DLGAP2: variants seen among roughly 807,000 people sequenced by gnomAD.
DLGAP2 encodes the protein DLG associated protein 2, also known as disks large-associated protein 2.
DLGAP2 carries 26 observed loss-of-function variants against 100.3 expected under a neutral mutation model. That is an observed-to-expected ratio of 0.26 (90% confidence interval 0.19 to 0.36). DLGAP2 has a LOEUF of 0.36. Among genes scored for constraint, DLGAP2 ranks in the 10% least tolerant of loss-of-function variants. The pLI is 1.00. For missense variants in DLGAP2, 1,858 were observed against 1,453.2 expected (o/e 1.28, Z -4.53); for synonymous variants, 886 against 630.1 (o/e 1.41, Z -6.08).
At chr8:1,245,395 A>G (rs768793353) in intron 2 of DLGAP2, among the ~76,000 whole-genome samples, 5 of 152,220 alleles carry the variant, frequency 3.3e-5, no homozygotes, top group Non-Finnish European at 7.3e-5. Context: ...CATCCATGCA[A>G]TGGAATCTTC....
intron 8 of DLGAP2, among the ~76,000 whole-genome samples, chr8:1,637,851 C>G (rs1349637185): frequency 6.6e-6 from 1 of 152,188 alleles, no homozygotes; most frequent in Admixed American, 6.5e-5. Context: ...GTGTGGATGG[C>G]TCTGGAAACC....
At chr8:1,026,355 TG>T (rs1157884352) in intron 2 of DLGAP2, among the ~76,000 whole-genome samples, 1 of 152,152 alleles carries the variant, frequency 6.6e-6, no homozygotes, top group African/African-American at 2.4e-5. Flanking sequence ...GCCGTTCACA[TG>T]GAAGCTCCAC....
At chr8:1,476,925 T>C (rs1798949212) in intron 3 of DLGAP2, among the ~76,000 whole-genome samples, 1 of 152,222 alleles carries the variant, frequency 6.6e-6, no homozygotes, top group South Asian at 2.1e-4. Context: ...GGCTGAGTGC[T>C]GTCAGCCACC....
Position 1,548,815 on chromosome 8 carries a change from T to C in DLGAP2, c.362T>C (p.Leu121Pro). Reference sequence around the variant, plus strand: ...GGGCCCGACGCGCGGCCGCCCTACCTGCTGAGCCCCGCCGACAGCTGCCCC... The same window carrying C: ...GGGCCCGACGCGCGGCCGCCCTACCCGCTGAGCCCCGCCGACAGCTGCCCC... ...HHGPDARPPY[L>P]LSPADSCPGG... is the part of the protein sequence containing the mutation. Residue 121 changes from leucine (L) to proline (P), a missense_variant, in exon 5 of 15, where the codon CTG becomes CCG. Transcript: ENST00000637795. 6.3e-7 allele frequency: 1 copy of C among 1,581,372 alleles called. No individual in the cohort carries two copies. The highest frequency in any genetic ancestry group is 8.6e-7 in the Non-Finnish European group (1 of 1,167,846).
At chr8:1,098,549 G>A (rs1199496284) in intron 2 of DLGAP2, among the ~76,000 whole-genome samples, 2 of 151,842 alleles carry the variant, frequency 1.3e-5, no homozygotes, top group Admixed American at 1.3e-4. Context: ...CAGCGGGCTG[G>A]CCCCACCCTG....
intron 2 of DLGAP2, among the ~76,000 whole-genome samples, chr8:996,278 C>G (rs576441313): frequency 9.8e-5 from 15 of 152,294 alleles, no homozygotes; most frequent in Non-Finnish European, 2.1e-4. Flanking sequence ...CAGAATCACT[C>G]AGGTTTCTTT....
chr8:1,070,827 G>T (rs1172656817), intron 2 of DLGAP2, among the ~76,000 whole-genome samples: 1 of 152,280 alleles, frequency 6.6e-6, no homozygotes. Context: ...CGTATTCTGA[G>T]CTGGGCTGTG....
Position 1,006,955 on chromosome 8 carries a change from C to G in DLGAP2, c.73+98989C>G, listed in dbSNP as rs189842111. Among the ~76,000 whole-genome samples, 704 of 151,784 alleles carry G rather than the reference C, an allele frequency of 4.6e-3. 6 individuals are homozygous for G. The South Asian group carries it at 0.054, about 12-fold the overall frequency. ...CTCGGGATGTGGTCCTTTATCACGT[C>G]GGGGACACCGTGTGTCTCAAGTCTC... On this transcript the variant is annotated intron_variant, in intron 2 of 14. Transcript: ENST00000637795.
intron 1 of DLGAP2, among the ~76,000 whole-genome samples, chr8:875,158 C>G (rs1028855538): frequency 1.2e-4 from 18 of 152,196 alleles, no homozygotes; most frequent in African/African-American, 4.3e-4. Context: ...TGTATCTCCA[C>G]TAGGCAGGGT....
intron 2 of DLGAP2, among the ~76,000 whole-genome samples, chr8:982,497 T>G (rs1800365268): frequency 6.6e-6 from 1 of 152,214 alleles, no homozygotes; most frequent in South Asian, 2.1e-4. Flanking sequence ...AGAAAGAGTT[T>G]AGAAAGATTT....
chr8:1,435,967 T>G (rs1267204877), intron 3 of DLGAP2, among the ~76,000 whole-genome samples: 2 of 152,146 alleles, frequency 1.3e-5, no homozygotes, highest in African/African-American at 4.8e-5. Context: ...GTACAATGCA[T>G]TTGTGTTTTA....
chr8:1,422,747 G>T (rs184249380), intron 3 of DLGAP2, among the ~76,000 whole-genome samples: 2 of 152,064 alleles, frequency 1.3e-5, no homozygotes, highest in Admixed American at 1.3e-4. Flanking sequence ...AGCCAGGATT[G>T]GGGGTGGGGG....
At chr8:1,295,213 A>C (rs571630326) in intron 3 of DLGAP2, among the ~76,000 whole-genome samples, 3 of 152,332 alleles carry the variant, frequency 2.0e-5, no homozygotes, top group African/African-American at 7.2e-5. Flanking sequence ...AGTGCCAACC[A>C]GACTGAAAGC....
intron 2 of DLGAP2, among the ~76,000 whole-genome samples, chr8:1,218,693 A>C (rs1798259612): frequency 6.6e-6 from 1 of 152,160 alleles, no homozygotes; most frequent in Admixed American, 6.5e-5. Flanking sequence ...TGATAGGAAT[A>C]GCATTGAATC....
At chr8:1,198,188 G>A (rs139475963) in intron 2 of DLGAP2, among the ~76,000 whole-genome samples, 56 of 152,160 alleles carry the variant, frequency 3.7e-4, no homozygotes, top group African/African-American at 1.2e-3. Context: ...GCTATGCTGC[G>A]GCGAAAAGGA....
At chr8:1,681,834 G>T (rs1474657124) in intron 12 of DLGAP2, among the ~76,000 whole-genome samples, 1 of 151,828 alleles carries the variant, frequency 6.6e-6, no homozygotes, top group Non-Finnish European at 1.5e-5. Context: ...TCACAGAATA[G>T]TAGCGGTGAC....
At chr8:1,514,192 G>A (rs1415636919) in intron 4 of DLGAP2, among the ~76,000 whole-genome samples, 1 of 152,236 alleles carries the variant, frequency 6.6e-6, no homozygotes, top group Non-Finnish European at 1.5e-5. Context: ...AAGAGGAATT[G>A]TACATAATTA....
intron 2 of DLGAP2, among the ~76,000 whole-genome samples, chr8:1,217,427 C>G (rs968832858): frequency 6.6e-6 from 1 of 152,088 alleles, no homozygotes; most frequent in African/African-American, 2.4e-5. Context: ...CAGGGGAGTG[C>G]ATGTGTCTTT....
intron 2 of DLGAP2, among the ~76,000 whole-genome samples, chr8:952,361 C>T (rs1397901860): frequency 6.6e-6 from 1 of 152,174 alleles, no homozygotes; most frequent in Non-Finnish European, 1.5e-5. Flanking sequence ...AAATGGAGAA[C>T]ATTTCAAATT....
Sources: allele counts gnomAD v4.1 joint callset (sites outside exome capture counted in the v4.1 genomes callset), GRCh38; gene constraint gnomAD v4.1.1; transcripts MANE v1.5; gene names NCBI Gene and HGNC (gene_info 2026-07-23, HGNC 2026-07-21).